BTAF1: variants seen among roughly 807,000 people sequenced by gnomAD.
BTAF1 encodes the protein TATA-binding protein-associated factor 172.
In BTAF1, 38 loss-of-function variants were observed where a neutral mutation model predicts 227.1. That is an observed-to-expected ratio of 0.17 (90% CI 0.13 to 0.22). BTAF1 has a LOEUF of 0.22. BTAF1 is among the 10% of genes least tolerant of loss of function. BTAF1 has a pLI of 1.00. For synonymous variants in BTAF1, 742 were observed against 751.9 expected, an observed-to-expected ratio of 0.99 and a Z score of 0.21; for missense variants, 1,598 against 2,204.0, an observed-to-expected ratio of 0.73 and a Z score of 5.51.
At chr10:91,993,992 A>G in intron 22 of BTAF1, 145 bp downstream of exon 22, 1 of 593,926 alleles carries the variant, frequency 1.7e-6, no homozygotes, top group Non-Finnish European at 2.5e-6. Flanking sequence ...AACTTGGTTT[A>G]AAAAAAACAC....
chr10:91,963,483 G>A (rs1846671305), intron 12 of BTAF1, among the ~76,000 whole-genome samples: 1 of 152,028 alleles, frequency 6.6e-6, no homozygotes, highest in Non-Finnish European at 1.5e-5. Context: ...GCCGAGGCTG[G>A]TCTCAAACTC....
chr10:91,953,607 C>A, intron 5 of BTAF1, 130 bp from the exon 6 acceptor site: 3 of 1,001,320 alleles, frequency 3.0e-6, no homozygotes, highest in South Asian at 1.8e-5. Context: ...AGAGTGTGAA[C>A]CTGTCAAAAA....
chr10:91,981,881 A>T (rs1378681682), intron 16 of BTAF1, 89 bp downstream of exon 16: 3 of 1,424,254 alleles, frequency 2.1e-6, no homozygotes, highest in Non-Finnish European at 2.8e-6. Context: ...TATTGCCTTA[A>T]GTGTGATTTA....
Position 91,942,550 on chromosome 10 carries a change from G to T in BTAF1, c.382G>T (p.Val128Phe), listed in dbSNP as rs746121749. The change falls in exon 4 of 38, where the codon GTC becomes TTC. Residue 128 changes from valine (V) to phenylalanine (F), a missense_variant. Transcript: ENST00000265990. Reference protein sequence around the residue: ...LLGSAGAEFEVQDEKSGEVDP... With the variant: ...LLGSAGAEFEFQDEKSGEVDP... ...GGGATCTGCTGGTGCCGAATTTGAA[G>T]TCCAAGATGAAAAATCAGGTCTGTA... is the stretch of plus-strand genomic sequence containing the variant. 5.6e-6 allele frequency: 9 copies of T among 1,613,886 alleles called. No individual in the cohort carries two copies. The highest frequency in any genetic ancestry group is 7.6e-6 in the Non-Finnish European group (9 of 1,179,990).
At chr10:91,980,329 G>C in intron 14 of BTAF1, 125 bp from the exon 15 acceptor site, 1 of 659,768 alleles carries the variant, frequency 1.5e-6, no homozygotes, top group South Asian at 2.0e-5. Context: ...CACCTGTTTA[G>C]CCTTTTTAAT....
chr10:91,952,260 G>A (rs10882007), intron 5 of BTAF1, among the ~76,000 whole-genome samples: 41,517 of 151,834 alleles, frequency 0.27, 6,944 homozygotes, highest in Non-Finnish European at 0.38. Flanking sequence ...CAGATTGACC[G>A]CATTCTTTTT....
chr10:91,993,491 A>G (rs1007128056), intron 21 of BTAF1, among the ~76,000 whole-genome samples: 1 of 152,220 alleles, frequency 6.6e-6, no homozygotes, highest in African/African-American at 2.4e-5. Context: ...GGTCACAAAA[A>G]TCTAGTTAGG....
chr10:91,943,868 T>C (rs4933221), intron 4 of BTAF1, among the ~76,000 whole-genome samples: 145,796 of 152,250 alleles, frequency 0.96, 70,158 homozygotes, highest in East Asian at 1. Flanking sequence ...AAGAAAAGCC[T>C]GGCTCAGCGT....
intron 4 of BTAF1, among the ~76,000 whole-genome samples, chr10:91,949,806 T>C (rs1845621816): frequency 6.6e-6 from 1 of 152,066 alleles, no homozygotes; most frequent in Admixed American, 6.5e-5. Flanking sequence ...TAATGGCCCC[T>C]AACTCTCTTC....
At chr10:91,952,004 A>G (rs1845797518) in intron 5 of BTAF1, among the ~76,000 whole-genome samples, 1 of 151,820 alleles carries the variant, frequency 6.6e-6, no homozygotes, top group African/African-American at 2.4e-5. Context: ...GGTATATAAT[A>G]TGAAGTAAAA....
chr10:92,029,078 C>A lies in BTAF1; in HGVS notation c.*145C>A. ...CAGCATAATGCTGGCTCTTGTTTCA[C>A]TGGGGGAAACAAGTTATTCTCAAAT... On this transcript the variant is annotated 3_prime_UTR_variant, in exon 38 of 38. Coordinates refer to ENST00000265990, the MANE Select transcript of BTAF1 (RefSeq NM_003972.3). 1 of 648,098 alleles carries A rather than the reference C, an allele frequency of 1.5e-6. No homozygotes were observed. The highest frequency in any genetic ancestry group is 2.4e-6 in the Non-Finnish European group (1 of 414,784). The allele number at this position is 648,098 out of a possible 1,614,324, so 40.1% of individuals were successfully genotyped here.
At chr10:91,932,693 G>A (rs1216494962) in intron 1 of BTAF1, among the ~76,000 whole-genome samples, 1 of 152,200 alleles carries the variant, frequency 6.6e-6, no homozygotes, top group Non-Finnish European at 1.5e-5. Context: ...AATTCATGTG[G>A]ATTTCAGAAA....
At chr10:92,010,204 G>A (rs915718161) in intron 28 of BTAF1, among the ~76,000 whole-genome samples, 1 of 152,134 alleles carries the variant, frequency 6.6e-6, no homozygotes, top group Non-Finnish European at 1.5e-5. Flanking sequence ...TGGGGTCTGG[G>A]TCCAAGGTCA....
intron 19 of BTAF1, among the ~76,000 whole-genome samples, chr10:91,986,536 A>G (rs1465367768): frequency 1.3e-5 from 1 of 79,770 alleles, no homozygotes; most frequent in Non-Finnish European, 2.6e-5. Flanking sequence ...GTGGAGAGAA[A>G]GCTAAAATTG....
chr10:91,974,869 C>G (rs1847573988), intron 14 of BTAF1, among the ~76,000 whole-genome samples: 1 of 152,090 alleles, frequency 6.6e-6, no homozygotes, highest in Non-Finnish European at 1.5e-5. Context: ...CAAAAAACAA[C>G]TAGTTTTATT....
intron 14 of BTAF1, 35 bp downstream of exon 14, chr10:91,966,792 A>T: frequency 6.4e-7 from 1 of 1,570,824 alleles, no homozygotes; most frequent in Non-Finnish European, 8.6e-7. Context: ...CTTGAAACTT[A>T]TATAAATTAA....
intron 6 of BTAF1, among the ~76,000 whole-genome samples, chr10:91,955,014 A>C (rs1270250002): frequency 6.6e-6 from 1 of 152,262 alleles, no homozygotes; most frequent in Non-Finnish European, 1.5e-5. Flanking sequence ...ACATAAAGCT[A>C]AAAAGTGTTT....
rs1460760598 is a variant in BTAF1 at position 91,951,514 on chromosome 10, A to T, written c.512A>T (p.Asp171Val). 12 of 1,611,512 alleles carry T rather than the reference A, an allele frequency of 7.4e-6. No homozygotes were observed. The highest frequency in any genetic ancestry group is 9.3e-6 in the Non-Finnish European group (11 of 1,179,134). ...IGMSTEELFN[D>V]EDLDYTPTSA... ...ATGAGTACTGAAGAACTTTTCAATG[A>T]TGAGGATTTGGATTATACCCCAACT... Residue 171 changes from aspartate to valine, a missense_variant, in exon 5 of 38, where the codon GAT becomes GTT. This residue lies in a region of BTAF1 where 298 missense variants were observed against 395.2 expected (regional missense o/e 0.75). Transcript: ENST00000265990.
Position 92,016,474 on chromosome 10 carries a change from T to G in BTAF1, c.4710+9T>G, listed in dbSNP as rs1238761295. 1.3e-6 allele frequency: 2 copies of G among 1,541,412 alleles called. No homozygotes were observed. The highest frequency in any genetic ancestry group is 4.7e-5 in the East Asian group (2 of 42,348). The stretch of plus-strand genomic sequence containing the variant: ...CAGGCCACGTATTCCAGGTATAGAT[T>G]ACATTCTACTTTTTTTTTTTTTGAG... On this transcript the variant is annotated intron_variant, in intron 33 of 37. Coordinates refer to ENST00000265990, the MANE Select transcript of BTAF1 (RefSeq NM_003972.3).
Sources: allele counts gnomAD v4.1 joint callset (sites outside exome capture counted in the v4.1 genomes callset), GRCh38; gene constraint gnomAD v4.1.1; regional missense constraint gnomAD v4.1.1; transcripts MANE v1.5; gene names NCBI Gene and HGNC (gene_info 2026-07-23, HGNC 2026-07-21).